Variants in ADARB2 observed in about 807,000 individuals in gnomAD.
ADARB2 encodes adenosine deaminase RNA specific B2 (inactive).
Under a neutral mutation model 62.2 loss-of-function variants are expected in ADARB2, and 25 were observed. That is an observed-to-expected ratio of 0.40 (90% confidence interval 0.29 to 0.56). ADARB2 has a LOEUF of 0.56. ADARB2 is among the 20% of genes least tolerant of loss of function. ADARB2 has a pLI of 0.43. For synonymous variants in ADARB2, 572 were observed against 500.8 expected (o/e 1.14, Z -1.90); for missense variants, 1,071 against 1,077.4 (o/e 0.99, Z 0.08).
chr10:1,523,291 A>T (rs565762255), intron 1 of ADARB2, among the ~76,000 whole-genome samples: 49 of 152,352 alleles, frequency 3.2e-4, no homozygotes, highest in African/African-American at 1.2e-3. Context: ...GTAATATTTT[A>T]TCCGAACATT....
chr10:1,189,778 G>A (rs1290458865), intron 8 of ADARB2, among the ~76,000 whole-genome samples: 3 of 140,192 alleles, frequency 2.1e-5, no homozygotes, highest in African/African-American at 5.5e-5. Context: ...CCCAGAACAC[G>A]TGGCGCTACC....
intron 1 of ADARB2, among the ~76,000 whole-genome samples, chr10:1,655,139 G>A (rs1834158453): frequency 6.6e-6 from 1 of 152,224 alleles, no homozygotes; most frequent in African/African-American, 2.4e-5. Context: ...GCCTTTCCTT[G>A]AGGTTTCTCT....
chr10:1,404,905 T>C (rs971600958), intron 1 of ADARB2, among the ~76,000 whole-genome samples: 1 of 152,252 alleles, frequency 6.6e-6, no homozygotes, highest in African/African-American at 2.4e-5. Flanking sequence ...ACATTGGTCC[T>C]TTTCGTTAGA....
chr10:1,669,015 G>C (rs1336161107), intron 1 of ADARB2, among the ~76,000 whole-genome samples: 1 of 152,204 alleles, frequency 6.6e-6, no homozygotes, highest in Non-Finnish European at 1.5e-5. Context: ...GTCTCCCCTT[G>C]GCCCCTGGGG....
At chr10:1,390,071 A>G (rs945793745) in intron 1 of ADARB2, among the ~76,000 whole-genome samples, 1 of 152,362 alleles carries the variant, frequency 6.6e-6, no homozygotes, top group East Asian at 1.9e-4. Context: ...AGAAGAATGG[A>G]TACATTAATT....
At chr10:1,226,991 C>A (rs888310914) in intron 6 of ADARB2, among the ~76,000 whole-genome samples, 3 of 152,256 alleles carry the variant, frequency 2.0e-5, no homozygotes, top group African/African-American at 7.2e-5. Flanking sequence ...CTGTTCCCTG[C>A]CCCCAGAGGT....
At chr10:1,628,349 T>C (rs1833798806) in intron 1 of ADARB2, among the ~76,000 whole-genome samples, 1 of 152,254 alleles carries the variant, frequency 6.6e-6, no homozygotes, top group Non-Finnish European at 1.5e-5. Flanking sequence ...ACGATCGGCA[T>C]TCACTGTTCA....
chr10:1,609,931 T>C (rs1833546709), intron 1 of ADARB2, among the ~76,000 whole-genome samples: 1 of 152,244 alleles, frequency 6.6e-6, no homozygotes, highest in East Asian at 1.9e-4. Flanking sequence ...TTCATTAGGA[T>C]TGCAGCAGGC....
intron 7 of ADARB2, among the ~76,000 whole-genome samples, chr10:1,214,188 C>A (rs1161275465): frequency 6.6e-6 from 1 of 151,276 alleles, no homozygotes. Context: ...GACCTGCTGG[C>A]GTTGCATGGG....
At chr10:1,347,905 TACGGAG>T (rs1261361997) in intron 3 of ADARB2, among the ~76,000 whole-genome samples, 1 of 151,174 alleles carries the variant, frequency 6.6e-6, no homozygotes, top group Non-Finnish European at 1.5e-5. Flanking sequence ...CAGAGAGGGA[TACGGAG>T]ACAGAGACAG....
chr10:1,559,336 CAA>C (rs1443394642), intron 1 of ADARB2, among the ~76,000 whole-genome samples: 1 of 152,152 alleles, frequency 6.6e-6, no homozygotes, highest in Non-Finnish European at 1.5e-5. Context: ...GACAAGGTGT[CAA>C]GGGTCCTGAG....
At chr10:1,697,767 C>T (rs994908285) in intron 1 of ADARB2, among the ~76,000 whole-genome samples, 11 of 152,160 alleles carry the variant, frequency 7.2e-5, no homozygotes, top group Non-Finnish European at 1.6e-4. Flanking sequence ...GACCTGAGCA[C>T]GGTGTATTGA....
chr10:1,273,595 G>A (rs1331024824), intron 3 of ADARB2, among the ~76,000 whole-genome samples: 1 of 152,202 alleles, frequency 6.6e-6, no homozygotes, highest in Non-Finnish European at 1.5e-5. Context: ...GTCCGGCCCC[G>A]CCTGTGCCCC....
intron 1 of ADARB2, among the ~76,000 whole-genome samples, chr10:1,664,827 T>G (rs1472454062): frequency 6.6e-6 from 1 of 152,242 alleles, no homozygotes; most frequent in Non-Finnish European, 1.5e-5. Flanking sequence ...CTCATCGCTC[T>G]GTTGCCAAAT....
chr10:1,332,687 C>T (rs2131834660), intron 3 of ADARB2, among the ~76,000 whole-genome samples: 1 of 152,208 alleles, frequency 6.6e-6, no homozygotes, highest in South Asian at 2.1e-4. Flanking sequence ...CAATGTCCCT[C>T]CCACTCTAAG....
intron 3 of ADARB2, among the ~76,000 whole-genome samples, chr10:1,358,960 A>G (rs1441134794): frequency 6.6e-6 from 1 of 152,206 alleles, no homozygotes; most frequent in African/African-American, 2.4e-5. Flanking sequence ...GTTTTCACAG[A>G]AAGAAAATGC....
chr10:1,339,030 A>G, intron 3 of ADARB2, among the ~76,000 whole-genome samples: 1 of 152,074 alleles, frequency 6.6e-6, no homozygotes, highest in East Asian at 1.9e-4. Flanking sequence ...GGCTTTCCTT[A>G]TTTTGGTTGG....
chr10:1,572,507 T>C (rs1162430792), intron 1 of ADARB2, among the ~76,000 whole-genome samples: 1 of 152,148 alleles, frequency 6.6e-6, no homozygotes, highest in African/African-American at 2.4e-5. Flanking sequence ...TGTTTTGTTT[T>C]GTAGCATGTT....
intron 1 of ADARB2, among the ~76,000 whole-genome samples, chr10:1,596,005 T>G (rs1833329561): frequency 6.6e-6 from 1 of 152,238 alleles, no homozygotes; most frequent in Non-Finnish European, 1.5e-5. Flanking sequence ...GTGGTCTGTT[T>G]CCACTTGTGG....
Sources: gnomAD v4.1 joint callset for allele counts (sites outside exome capture counted in the v4.1 genomes callset) on GRCh38, gnomAD v4.1.1 for gene constraint, MANE v1.5 for transcripts, NCBI Gene and HGNC (gene_info 2026-07-23, HGNC 2026-07-21) for gene names.